FEZ2: variants seen among roughly 807,000 people sequenced by gnomAD.
FEZ2 encodes fasciculation and elongation protein zeta 2, also known as fasciculation and elongation protein zeta-2.
In FEZ2, 51 loss-of-function variants were observed where a neutral mutation model predicts 40.4. That is an observed-to-expected ratio of 1.26 (90% CI 1.01 to 1.59). The LOEUF is 1.59. Among genes scored for constraint, FEZ2 ranks in the 40% most tolerant of loss-of-function variants. The pLI, the probability that FEZ2 is intolerant of heterozygous loss-of-function variation, is 0.00. For synonymous variants in FEZ2, 242 were observed against 172.0 expected, an observed-to-expected ratio of 1.41 and a Z score of -3.18; for missense variants, 640 against 438.3, an observed-to-expected ratio of 1.46 and a Z score of -4.11.
chr2:36,570,238 C>T (rs921805225), intron 5 of FEZ2, among the ~76,000 whole-genome samples: 6 of 151,884 alleles, frequency 4.0e-5, no homozygotes, highest in African/African-American at 1.4e-4. Flanking sequence ...AAAAACAGAT[C>T]TAAGTAAATT....
intron 5 of FEZ2, among the ~76,000 whole-genome samples, chr2:36,572,905 G>T (rs1573013350): frequency 1.3e-5 from 2 of 152,174 alleles, no homozygotes. Context: ...TATCATCTAA[G>T]CCCTAGCTCT....
rs750713736 is a variant in FEZ2, at chr2:36,583,400, T to A, written c.445A>T (p.Ile149Phe). Residue 149 changes from isoleucine to phenylalanine, a missense_variant, in exon 3 of 8, where the codon ATC becomes TTC. Physicochemically the swap from Ile to Phe is conservative, Grantham distance 21. Transcript: ENST00000405912. ...ELREQLDMHS[I>F]IVSCVNDEPL... ...TCATCATTAACACAGGAGACGATGA[T>A]TGAGTGCATATCCAGCTGTTCTCTC... 7 of 1,608,782 alleles carry A rather than the reference T, an allele frequency of 4.4e-6. No homozygotes were observed. The Admixed American group carries it at 1.2e-4, about 27-fold the overall frequency.
At chr2:36,581,194 A>G in intron 4 of FEZ2, 96 bp downstream of exon 4, 1 of 1,118,948 alleles carries the variant, frequency 8.9e-7, no homozygotes. Context: ...CACAAACAGA[A>G]GGAGGATGAA....
At chr2:36,554,153 G>A (rs1667894532) in intron 7 of FEZ2, 4 of 469,694 alleles carry the variant, frequency 8.5e-6, no homozygotes, top group Admixed American at 4.7e-5. Flanking sequence ...GTACAGTATA[G>A]ATAGAACTGG....
At chr2:36,553,549 G>A (rs563153067) in intron 7 of FEZ2, among the ~76,000 whole-genome samples, 4 of 152,204 alleles carry the variant, frequency 2.6e-5, no homozygotes, top group Admixed American at 2.0e-4. Context: ...CTAGCAGCAC[G>A]GCAGCAGCCA....
chr2:36,565,172 A>G (rs908840273), intron 5 of FEZ2, among the ~76,000 whole-genome samples: 3 of 152,202 alleles, frequency 2.0e-5, no homozygotes, highest in Admixed American at 2.0e-4. Context: ...AACTATTTAT[A>G]TTTCCATCCC....
chr2:36,582,745 G>A (rs1180166548), intron 3 of FEZ2, among the ~76,000 whole-genome samples: 1 of 152,194 alleles, frequency 6.6e-6, no homozygotes, highest in Non-Finnish European at 1.5e-5. Flanking sequence ...AAAATAGAGT[G>A]TGGTAGAACT....
At chr2:36,575,431 C>G (rs1668540666) in intron 5 of FEZ2, among the ~76,000 whole-genome samples, 2 of 152,262 alleles carry the variant, frequency 1.3e-5, no homozygotes, top group South Asian at 4.1e-4. Flanking sequence ...TCAAGGAATC[C>G]TCCCACCTCA....
intron 5 of FEZ2, among the ~76,000 whole-genome samples, chr2:36,574,123 A>G (rs1489712421): frequency 6.6e-6 from 1 of 152,258 alleles, no homozygotes; most frequent in Non-Finnish European, 1.5e-5. Context: ...GCAGTTGGAC[A>G]TATATAACAA....
chr2:36,578,134 T>C (rs546687499), intron 5 of FEZ2, among the ~76,000 whole-genome samples: 1 of 152,370 alleles, frequency 6.6e-6, no homozygotes, highest in East Asian at 1.9e-4. Context: ...AGGAGGAACC[T>C]GTTTACAAAC....
chr2:36,573,689 G>C (rs181780888), intron 5 of FEZ2, among the ~76,000 whole-genome samples: 17 of 152,308 alleles, frequency 1.1e-4, no homozygotes, highest in Non-Finnish European at 1.6e-4. Context: ...ACACAGTGTG[G>C]TACTTCAATA....
chr2:36,597,336 G>C (rs1017594323), intron 1 of FEZ2, among the ~76,000 whole-genome samples: 1 of 152,098 alleles, frequency 6.6e-6, no homozygotes, highest in African/African-American at 2.4e-5. Flanking sequence ...CAAGACACAC[G>C]CTTTTAAGTC....
chr2:36,582,583 T>C (rs1385956697), intron 3 of FEZ2, among the ~76,000 whole-genome samples: 1 of 152,210 alleles, frequency 6.6e-6, no homozygotes, highest in Non-Finnish European at 1.5e-5. Context: ...CCTTGCTTTT[T>C]TAAGCACCAC....
intron 1 of FEZ2, among the ~76,000 whole-genome samples, chr2:36,593,619 C>G (rs1042734989): frequency 6.6e-6 from 1 of 152,064 alleles, no homozygotes; most frequent in Non-Finnish European, 1.5e-5. Context: ...AGCTGGTACA[C>G]AGGGCACCAA....
intron 5 of FEZ2, chr2:36,561,340 G>C (rs1347265326): frequency 6.6e-6 from 1 of 152,200 alleles, no homozygotes; most frequent in Non-Finnish European, 1.5e-5. Context: ...GCTGTTACTT[G>C]GAGAGCTGAT....
intron 5 of FEZ2, among the ~76,000 whole-genome samples, chr2:36,572,074 C>G (rs1239101616): frequency 6.7e-6 from 1 of 149,614 alleles, no homozygotes; most frequent in Non-Finnish European, 1.5e-5. Flanking sequence ...CATGCCTTTT[C>G]CACTTCTCCT....
At chr2:36,557,737 G>C (rs1448707504) in intron 6 of FEZ2, 1 of 152,068 alleles carries the variant, frequency 6.6e-6, no homozygotes, top group Admixed American at 6.5e-5. Context: ...AAGAGAGTAA[G>C]TAACTTCCAA....
At chr2:36,584,618 T>A (rs1287478673) in intron 2 of FEZ2, among the ~76,000 whole-genome samples, 2 of 152,150 alleles carry the variant, frequency 1.3e-5, no homozygotes, top group Admixed American at 1.3e-4. Context: ...AAAGAATAAA[T>A]GGGCAACAAG....
chr2:36,568,267 T>C (rs1379162464), intron 5 of FEZ2, among the ~76,000 whole-genome samples: 1 of 152,142 alleles, frequency 6.6e-6, no homozygotes, highest in South Asian at 2.1e-4. Context: ...ACCAAAGACA[T>C]ACCAAAGCGC....
Sources: allele counts gnomAD v4.1 joint callset (sites outside exome capture counted in the v4.1 genomes callset), GRCh38; gene constraint gnomAD v4.1.1; transcripts MANE v1.5; gene names NCBI Gene and HGNC (gene_info 2026-07-23, HGNC 2026-07-21).